Variants in NAV2 observed in about 807,000 individuals in gnomAD.
NAV2 encodes helicase, APC down-regulated 1.
A neutral mutation model predicts 223.2 loss-of-function variants in NAV2; 54 were observed. That is an observed-to-expected ratio of 0.24 (90% CI 0.19 to 0.30). The LOEUF (loss-of-function observed/expected upper bound fraction) is 0.30, where lower values mean the gene tolerates loss of function less well. Ranked by LOEUF, NAV2 falls within the 10% of genes least tolerant of loss-of-function variation. NAV2 has a pLI of 1.00. For missense variants in NAV2, 2,806 were observed against 3,147.5 expected (o/e 0.89, Z 2.60); for synonymous variants, 1,279 against 1,239.3 (o/e 1.03, Z -0.67).
upstream of NAV2, chr11:19,711,189 T>G (rs2049856121): frequency 6.6e-6 from 1 of 152,208 alleles, no homozygotes; most frequent in South Asian, 2.1e-4. Context: ...AGAAGGTGCC[T>G]TCTCATTTCT....
intron 1 of NAV2, among the ~76,000 whole-genome samples, chr11:19,722,424 C>T (rs191877759): frequency 2.4e-4 from 36 of 152,250 alleles, no homozygotes; most frequent in African/African-American, 8.4e-4. Flanking sequence ...TGACTGAATC[C>T]TCCCACACTT....
At chr11:20,082,540 A>AT in intron 25 of NAV2, 3 of 1,606,728 alleles carry the variant, frequency 1.9e-6, no homozygotes, top group Non-Finnish European at 2.6e-6. Flanking sequence ...CTGTTAAAAA[A>AT]TTGTCTTTTT....
intron 26 of NAV2, among the ~76,000 whole-genome samples, chr11:20,089,441 A>G (rs1242381453): frequency 6.6e-6 from 1 of 152,158 alleles, no homozygotes; most frequent in Non-Finnish European, 1.5e-5. Flanking sequence ...TGGGAATTAA[A>G]ATTTCCACAC....
intron 1 of NAV2, among the ~76,000 whole-genome samples, chr11:19,676,414 A>G (rs2048713107): frequency 6.6e-6 from 1 of 152,194 alleles, no homozygotes; most frequent in Admixed American, 6.5e-5. Context: ...TTGAGTATTT[A>G]CAACCTAGCA....
At chr11:20,096,163 G>C (rs563044043) in intron 30 of NAV2, among the ~76,000 whole-genome samples, 1 of 152,298 alleles carries the variant, frequency 6.6e-6, no homozygotes, top group South Asian at 2.1e-4. Context: ...CATTTTGGGG[G>C]ATTTGATCTG....
intron 5 of NAV2, among the ~76,000 whole-genome samples, chr11:19,884,780 GTGTTGT>G (rs66462782): frequency 0.11 from 17,330 of 150,940 alleles, 1,301 homozygotes; most frequent in African/African-American, 0.21. Flanking sequence ...CTTGTGCTTT[GTGTTGT>G]TGTTGTTGTT....
chr11:19,376,182 T>C (rs1848635290), intron 1 of NAV2, among the ~76,000 whole-genome samples: 1 of 152,226 alleles, frequency 6.6e-6, no homozygotes, highest in African/African-American at 2.4e-5. Flanking sequence ...TTTCTGTAGT[T>C]ACTTCCTGCT....
chr11:19,876,953 TA>T (rs2062873058), intron 4 of NAV2, among the ~76,000 whole-genome samples: 3 of 135,924 alleles, frequency 2.2e-5, no homozygotes. Flanking sequence ...TATATTTATT[TA>T]TCAATAAAAA....
At chr11:19,416,747 T>G (rs924727644) in intron 1 of NAV2, among the ~76,000 whole-genome samples, 2 of 152,042 alleles carry the variant, frequency 1.3e-5, no homozygotes, top group Non-Finnish European at 1.5e-5. Flanking sequence ...ACCAAACAGA[T>G]ATATAGACCA....
intron 1 of NAV2, among the ~76,000 whole-genome samples, chr11:19,820,927 A>G (rs2152848291): frequency 6.6e-6 from 1 of 152,336 alleles, no homozygotes; most frequent in South Asian, 2.1e-4. Flanking sequence ...AATGAATAGG[A>G]AAGTACTTTC....
chr11:19,876,817 A>C (rs1591020452), intron 4 of NAV2, among the ~76,000 whole-genome samples: 2 of 151,992 alleles, frequency 1.3e-5, no homozygotes, highest in African/African-American at 4.8e-5. Flanking sequence ...TTAAAAAAAA[A>C]AATGCATCAC....
chr11:19,778,513 AAAAAC>A (rs1428054332), intron 1 of NAV2, among the ~76,000 whole-genome samples: 119 of 152,258 alleles, frequency 7.8e-4, no homozygotes, highest in Non-Finnish European at 6.9e-4. Context: ...AAACAAAAAC[AAAAAC>A]AAAACACAAA....
intron 1 of NAV2, among the ~76,000 whole-genome samples, chr11:19,479,854 A>G (rs1282691198): frequency 2.0e-5 from 3 of 152,164 alleles, no homozygotes; most frequent in African/African-American, 4.8e-5. Context: ...GCATGTGCGC[A>G]CACACACTTC....
chr11:19,807,671 A>G (rs1403863237), intron 1 of NAV2, among the ~76,000 whole-genome samples: 1 of 152,116 alleles, frequency 6.6e-6, no homozygotes, highest in Non-Finnish European at 1.5e-5. Flanking sequence ...AGGGATATCC[A>G]CTGCAGGCTC....
intron 1 of NAV2, among the ~76,000 whole-genome samples, chr11:19,581,437 G>T (rs2045714333): frequency 6.6e-6 from 1 of 152,108 alleles, no homozygotes; most frequent in African/African-American, 2.4e-5. Context: ...TGTTACATAT[G>T]TATACATGTG....
intron 10 of NAV2, among the ~76,000 whole-genome samples, chr11:19,975,942 TAG>T (rs2049694505): frequency 6.6e-6 from 1 of 152,042 alleles, no homozygotes; most frequent in Non-Finnish European, 1.5e-5. Flanking sequence ...TAAGAAAGTT[TAG>T]GAATTTCTGA....
intron 1 of NAV2, among the ~76,000 whole-genome samples, chr11:19,551,812 T>C (rs1338224601): frequency 1.3e-5 from 2 of 152,214 alleles, no homozygotes; most frequent in Admixed American, 1.3e-4. Flanking sequence ...ATGGTTATCC[T>C]GGATGGGATT....
At chr11:19,347,261 A>T (rs1853060676), upstream of NAV2, among the ~76,000 whole-genome samples, 1 of 152,194 alleles carries the variant, frequency 6.6e-6, no homozygotes, top group Non-Finnish European at 1.5e-5. Flanking sequence ...CTGGAATCCT[A>T]AATTGGCATT....
At chr11:19,355,239 G>C (rs75390426) in intron 1 of NAV2, among the ~76,000 whole-genome samples, 4,295 of 129,144 alleles carry the variant, frequency 0.033, 202 homozygotes, top group African/African-American at 0.12. Context: ...TGTAAAATAA[G>C]AATTGTTGGT....
Sources: gnomAD v4.1 joint callset for allele counts (sites outside exome capture counted in the v4.1 genomes callset) on GRCh38, gnomAD v4.1.1 for gene constraint, MANE v1.5 for transcripts, NCBI Gene and HGNC (gene_info 2026-07-23, HGNC 2026-07-21) for gene names.